Variants in DNAH9 observed in about 807,000 individuals in gnomAD.
DNAH9 encodes the protein DNAH9 variant protein.
Under a neutral mutation model 471.6 loss-of-function variants are expected in DNAH9, and 345 were observed. That is an observed-to-expected ratio of 0.73 (90% CI 0.67 to 0.80). The LOEUF is 0.80. DNAH9 is among the 30% of genes least tolerant of loss of function. The probability of loss-of-function intolerance (pLI) is 0.00; values close to 1 mark genes in which losing one functional copy is unlikely to be tolerated. For missense variants in DNAH9, 5,407 were observed against 5,609.2 expected (o/e 0.96, Z 1.15); for synonymous variants, 2,093 against 2,123.6 (o/e 0.99, Z 0.40).
chr17:11,682,218 T>C (rs1348438042), intron 19 of DNAH9, among the ~76,000 whole-genome samples: 1 of 152,018 alleles, frequency 6.6e-6, no homozygotes, highest in Non-Finnish European at 1.5e-5. Flanking sequence ...AACATACTCA[T>C]CTTACTCTCT....
chr17:11,646,927 G>T (rs1206695420), intron 11 of DNAH9, 145 bp from the exon 12 acceptor site: 11 of 658,434 alleles, frequency 1.7e-5, no homozygotes, highest in Admixed American at 3.4e-5. Flanking sequence ...AAGAAAGAAA[G>T]AAATTTGTGG....
intron 8 of DNAH9, among the ~76,000 whole-genome samples, chr17:11,633,999 C>CCCCTTGG (rs2073115199): frequency 6.6e-6 from 1 of 152,152 alleles, no homozygotes; most frequent in African/African-American, 2.4e-5. Flanking sequence ...TCTGTGTGTG[C>CCCCTTGG]CAAGGGCATG....
intron 48 of DNAH9, among the ~76,000 whole-genome samples, chr17:11,824,033 G>A (rs575366444): frequency 2.0e-5 from 3 of 152,114 alleles, no homozygotes; most frequent in Non-Finnish European, 4.4e-5. Context: ...GTTTATTTCA[G>A]TCAATTTGCT....
At chr17:11,952,573 G>A (rs952401350) in intron 67 of DNAH9, among the ~76,000 whole-genome samples, 1 of 152,212 alleles carries the variant, frequency 6.6e-6, no homozygotes, top group East Asian at 1.9e-4. Context: ...GTCCTGTAAT[G>A]TAAGGCCAAG....
chr17:11,823,427 A>G (rs73980504), intron 48 of DNAH9, among the ~76,000 whole-genome samples: 10,942 of 152,026 alleles, frequency 0.072, 1,288 homozygotes, highest in African/African-American at 0.25. Context: ...TTCCTCTCCA[A>G]TTCACTTCCC....
rs902108353 is a variant in DNAH9, at chr17:11,923,961, T to C, written c.11877+20T>C. 1.2e-6 allele frequency: 2 copies of C among 1,611,838 alleles called. No homozygotes were observed. Among genetic ancestry groups the C allele is most frequent in the African/African-American group, 2.7e-5 (2 of 74,874 alleles). Reference sequence around the variant, plus strand: ...TTGCAGGTATGTTCCTCTACCCTTGTCTGGGTTATCTTGACCCATACTTGC... The same window carrying C: ...TTGCAGGTATGTTCCTCTACCCTTGCCTGGGTTATCTTGACCCATACTTGC... On this transcript the variant is annotated intron_variant, in intron 62 of 68. Coordinates refer to ENST00000262442, the MANE Select transcript of DNAH9 (RefSeq NM_001372.4).
At chr17:11,831,670 T>C (rs1597709636) in intron 48 of DNAH9, among the ~76,000 whole-genome samples, 1 of 152,164 alleles carries the variant, frequency 6.6e-6, no homozygotes, top group Non-Finnish European at 1.5e-5. Context: ...TAGAGCTGCC[T>C]GAAGAAAGAA....
At chr17:11,747,308 TC>T (rs1264265657) in intron 31 of DNAH9, among the ~76,000 whole-genome samples, 2 of 152,114 alleles carry the variant, frequency 1.3e-5, no homozygotes, top group Admixed American at 6.6e-5. Flanking sequence ...CACATCTGAA[TC>T]CCCCTCGCCT....
chr17:11,816,537 G>A (rs1970103264), intron 45 of DNAH9, among the ~76,000 whole-genome samples: 1 of 152,186 alleles, frequency 6.6e-6, no homozygotes, highest in South Asian at 2.1e-4. Context: ...ACACTCACTT[G>A]CGTTTTCTCC....
chr17:11,936,194 T>C (rs530108276), intron 65 of DNAH9, among the ~76,000 whole-genome samples: 1 of 152,206 alleles, frequency 6.6e-6, no homozygotes, highest in Non-Finnish European at 1.5e-5. Context: ...AATACAAAAA[T>C]GAACATACAG....
chr17:11,616,454 T>G (rs985354851), intron 4 of DNAH9, among the ~76,000 whole-genome samples: 1 of 152,174 alleles, frequency 6.6e-6, no homozygotes, highest in African/African-American at 2.4e-5. Context: ...CCCTTCCAAT[T>G]TAGTTTGTCC....
At chr17:11,645,990 C>T (rs2073380555) in intron 11 of DNAH9, among the ~76,000 whole-genome samples, 1 of 149,936 alleles carries the variant, frequency 6.7e-6, no homozygotes, top group Non-Finnish European at 1.5e-5. Flanking sequence ...CGCCATTCTT[C>T]TGCCTCAGCC....
intron 30 of DNAH9, among the ~76,000 whole-genome samples, 195 bp downstream of exon 30, chr17:11,742,508 A>G (rs1054359015): frequency 2.6e-5 from 4 of 152,200 alleles, no homozygotes; most frequent in Admixed American, 6.5e-5. Context: ...TGCATTTTTC[A>G]AAATTAACCT....
Position 11,690,456 on chromosome 17 carries a change from A to G in DNAH9, c.4614+20A>G, listed in dbSNP as rs778849289. 6.2e-6 allele frequency: 10 copies of G among 1,605,004 alleles called. No individual in the cohort carries two copies. The Admixed American group carries it at 1.5e-4, about 24-fold the overall frequency. ...CCCCAGGTACCTGCTAAGGAAATCT[A>G]GAATCTCTCTATTCTCTGATCCAGG... On this transcript the variant is annotated intron_variant, in intron 20 of 68. Coordinates refer to ENST00000262442, the MANE Select transcript of DNAH9 (RefSeq NM_001372.4).
intron 36 of DNAH9, 45 bp downstream of exon 36, chr17:11,763,659 C>A: frequency 6.4e-7 from 1 of 1,561,688 alleles, no homozygotes; most frequent in Non-Finnish European, 8.7e-7. Context: ...AAGTCTGTAG[C>A]AGCAAAAACT....
chr17:11,822,641 T>A (rs11868706), intron 47 of DNAH9, 42 bp downstream of exon 47: 2 of 1,610,032 alleles, frequency 1.2e-6, no homozygotes, highest in South Asian at 2.2e-5. Context: ...CCTTCCCAGA[T>A]GAGGGTACAA....
In DNAH9 at chr17:11,769,325, G is replaced by T. The variant is rs141605728; in HGVS notation, c.7548G>T (p.Leu2516=). 4.4e-5 allele frequency: 70 copies of T among 1,608,746 alleles called. No individual in the cohort carries two copies. The highest frequency in any genetic ancestry group is 5.4e-5 in the Non-Finnish European group (64 of 1,177,766). ...ACTACTACACCACGTCAGCAATGCT[G>T]CAGGGTAAGCAGCCCAGGGCACCTG... is the stretch of plus-strand genomic sequence containing the variant. ...PFNYYTTSAM[L]QAVLEKPLEK... The change falls in exon 38 of 69, where the codon CTG becomes CTT. Residue 2516 remains leucine, a synonymous_variant. Coordinates refer to ENST00000262442, the MANE Select transcript of DNAH9 (RefSeq NM_001372.4).
intron 26 of DNAH9, chr17:11,705,427 C>CA (rs978589599): frequency 5.1e-5 from 24 of 466,614 alleles, no homozygotes; most frequent in African/African-American, 4.4e-4. Context: ...AATGGTCATA[C>CA]ACACCCGAGT....
At chr17:11,644,405 G>A (rs1281573384) in intron 10 of DNAH9, among the ~76,000 whole-genome samples, 2 of 152,114 alleles carry the variant, frequency 1.3e-5, no homozygotes, top group African/African-American at 4.8e-5. Flanking sequence ...GGCAGGAAAG[G>A]TTATGAGAGC....
Sources: allele counts gnomAD v4.1 joint callset (sites outside exome capture counted in the v4.1 genomes callset), GRCh38; gene constraint gnomAD v4.1.1; transcripts MANE v1.5; gene names NCBI Gene and HGNC (gene_info 2026-07-23, HGNC 2026-07-21).